Variants in SRP68 observed in about 807,000 individuals in gnomAD.
SRP68 encodes signal recognition particle 68.
Under a neutral mutation model 82.2 loss-of-function variants are expected in SRP68, and 15 were observed. The ratio of observed to expected loss-of-function variants is 0.18; its 90% confidence interval spans 0.12 to 0.28. The LOEUF is 0.28. Among genes scored for constraint, SRP68 ranks in the 10% least tolerant of loss-of-function variants. The probability of loss-of-function intolerance (pLI) is 1.00; values close to 1 mark genes in which losing one functional copy is unlikely to be tolerated. For synonymous variants in SRP68, 261 were observed against 292.6 expected (o/e 0.89, Z 1.10); for missense variants, 595 against 780.5 (o/e 0.76, Z 2.83).
chr17:76,055,544 A>T (rs890386462), intron 8 of SRP68, among the ~76,000 whole-genome samples: 15 of 151,622 alleles, frequency 9.9e-5, no homozygotes, highest in Non-Finnish European at 5.9e-5. Flanking sequence ...TCACGAGGGC[A>T]GGAGTTTGAG....
At chr17:76,050,358 C>G in intron 9 of SRP68, 70 bp downstream of exon 9, 12 of 1,144,634 alleles carry the variant, frequency 1.0e-5, no homozygotes, top group Non-Finnish European at 1.2e-5. Flanking sequence ...CTGGGGTCCA[C>G]CTGAGAAGGG....
At position 76,071,787 on chromosome 17, in the gene SRP68, A is replaced by G. The variant is rs1019876253; in HGVS notation, c.184+521T>C. 3.3e-5 allele frequency among the ~76,000 whole-genome samples: 5 copies of G among 152,222 alleles called. No individual in the cohort carries two copies. The highest frequency in any genetic ancestry group is 1.2e-4 in the African/African-American group (5 of 41,458). ...GATAAAATGCCTACAGACCGATCAG[A>G]AAAAAATGACACAATCGATATTAAC... On this transcript the variant is annotated intron_variant, in intron 1 of 15. Transcript: ENST00000307877. The surrounding 1 kb of genome is among the most constrained non-coding windows in gnomAD (Gnocchi z 4.7).
At chr17:76,040,501 G>T (rs933245795) in intron 14 of SRP68, 27 bp from the exon 15 acceptor site, 1 of 1,609,446 alleles carries the variant, frequency 6.2e-7, no homozygotes, top group South Asian at 1.1e-5. Flanking sequence ...GATTCAGTAA[G>T]AACAAGGATT....
chr17:76,063,919 G>A, intron 4 of SRP68, 57 bp downstream of exon 4: 7 of 1,482,424 alleles, frequency 4.7e-6, no homozygotes, highest in Non-Finnish European at 6.5e-6. Context: ...TTTAACTGCA[G>A]CTTTTTAAAA....
chr17:76,057,486 T>G lies in SRP68; in HGVS notation c.895A>C (p.Arg299=). 1 of 1,614,154 alleles carries G rather than the reference T, an allele frequency of 6.2e-7. No homozygotes were observed. The highest frequency in any genetic ancestry group is 1.1e-5 in the South Asian group (1 of 91,080). Reference sequence around the variant, plus strand: ...ATCTTCACTGGAACCGTTCTCCCTCTCCACTCCACTTCACTCATGGTAGCT... The same window carrying G: ...ATCTTCACTGGAACCGTTCTCCCTCGCCACTCCACTTCACTCATGGTAGCT... ...QAATMSEVEW[R]GRTVPVKIDK... is the part of the protein sequence containing the mutation. The change falls in exon 8 of 16, where the codon AGA becomes CGA. Residue 299 remains arginine (R), a synonymous_variant. Coordinates refer to ENST00000307877, the MANE Select transcript of SRP68 (RefSeq NM_014230.4).
At chr17:76,053,265 C>CAAAA (rs34472995) in intron 8 of SRP68, among the ~76,000 whole-genome samples, 1 of 82,562 alleles carries the variant, frequency 1.2e-5, no homozygotes, top group East Asian at 3.3e-4. Context: ...GACCCTGTCT[C>CAAAA]AAAAAAAAAA....
At chr17:76,048,127 A>G (rs1175242493) in intron 9 of SRP68, 157 bp from the exon 10 acceptor site, 2 of 366,006 alleles carry the variant, frequency 5.5e-6, no homozygotes, top group East Asian at 4.4e-5. Context: ...ACTTGACATA[A>G]TCTAGAATGA....
intron 7 of SRP68, among the ~76,000 whole-genome samples, chr17:76,058,648 A>G (rs1289116415): frequency 6.6e-6 from 1 of 152,230 alleles, no homozygotes; most frequent in African/African-American, 2.4e-5. Context: ...GGAAGGTTAA[A>G]AAGAGTAACA....
intron 12 of SRP68, 66 bp from the exon 13 acceptor site, chr17:76,044,024 T>C (rs2066611470): frequency 1.3e-6 from 2 of 1,543,950 alleles, no homozygotes; most frequent in African/African-American, 2.8e-5. Flanking sequence ...AGGCTTTCCT[T>C]GCAGTTTAGG....
Position 76,047,931 on chromosome 17 carries a change from C to T in SRP68, c.1117G>A (p.Val373Met). ...DYILEGEPGK[V>M]SNLQYLHSYL... ...CTATGCAAGTATTGAAGATTAGACA[C>T]CTTCCCTGGCTCTCCTTCAAGGATA... The change falls in exon 10 of 16, where the codon GTG becomes ATG. Residue 373 changes from valine to methionine, a missense_variant. This residue lies in a region of SRP68 where 495 missense variants were observed against 688.6 expected (regional missense o/e 0.72). Coordinates refer to ENST00000307877, the MANE Select transcript of SRP68 (RefSeq NM_014230.4). 1.9e-6 allele frequency: 3 copies of T among 1,573,800 alleles called. 1 individual carries two copies. The highest frequency in any genetic ancestry group is 2.4e-5 in the South Asian group (2 of 82,902).
intron 4 of SRP68, among the ~76,000 whole-genome samples, chr17:76,062,730 T>A (rs2066772177): frequency 1.1e-3 from 1 of 874 alleles, no homozygotes; most frequent in African/African-American, 9.6e-3. Flanking sequence ...ATATTTATTT[T>A]ATATATATAT....
intron 7 of SRP68, among the ~76,000 whole-genome samples, chr17:76,058,216 T>A (rs1414242327): frequency 6.6e-6 from 1 of 151,852 alleles, no homozygotes; most frequent in Non-Finnish European, 1.5e-5. Flanking sequence ...TGCAATGGTA[T>A]GAGCTCAGCT....
At position 76,050,470 on chromosome 17, in the gene SRP68, C is replaced by T. The variant is rs1454863013; in HGVS notation, c.1035G>A (p.Arg345=). The part of the protein sequence containing the change: ...RLFESMLSEC[R]DAIQVVREEL... ...CCTCCCGAACCACCTGGATGGCGTC[C>T]CGACACTCGCTGAGCATTGATTCAA... is the stretch of plus-strand genomic sequence containing the variant. Residue 345 remains arginine (R), a synonymous_variant, in exon 9 of 16, where the codon CGG becomes CGA. Transcript: ENST00000307877. 6.2e-7 allele frequency: 1 copy of T among 1,613,852 alleles called. No homozygotes were observed. Among genetic ancestry groups the T allele is most frequent in the Admixed American group, 1.7e-5 (1 of 59,994 alleles).
intron 13 of SRP68, among the ~76,000 whole-genome samples, chr17:76,043,140 T>TACTCAGGAGTAGTACTCCTCA (rs2066604034): frequency 6.6e-6 from 1 of 152,062 alleles, no homozygotes; most frequent in Non-Finnish European, 1.5e-5. Context: ...GGCTCATGCC[T>TACTCAGGAGTAGTACTCCTCA]GTAGTCCCAG....
intron 12 of SRP68, among the ~76,000 whole-genome samples, 188 bp from the exon 13 acceptor site, chr17:76,044,146 A>G (rs757308791): frequency 1.3e-5 from 2 of 152,202 alleles, no homozygotes; most frequent in African/African-American, 4.8e-5. Context: ...CTTCCCAGCA[A>G]TCAGAGATGC....
At chr17:76,047,798 A>AC (rs2066642377) in intron 10 of SRP68, 108 bp downstream of exon 10, 1 of 539,552 alleles carries the variant, frequency 1.9e-6, no homozygotes, top group African/African-American at 2.0e-5. Context: ...CAAAAAAAAA[A>AC]ACAAAGAAAA....
At position 76,039,630 on chromosome 17, in the gene SRP68, T is replaced by C; in HGVS notation, c.*76A>G. On this transcript the variant is annotated 3_prime_UTR_variant, in exon 16 of 16. Transcript: ENST00000307877. The stretch of plus-strand genomic sequence containing the variant: ...GGCCAATGCAGACCTGGATTTAATA[T>C]CATGGAACTTGCTGGGATTTTCTCA... The C allele has an allele frequency of 7.0e-7, 1 of 1,423,752 alleles. No individual in the cohort carries two copies. Among genetic ancestry groups the C allele is most frequent in the Non-Finnish European group, 9.7e-7 (1 of 1,029,912 alleles). 88.2% of individuals were successfully genotyped at this position (1,423,752 alleles called of 1,614,324 possible). A position where few individuals can be genotyped will look rare whatever the true frequency, so the allele number is the denominator to read the frequency against.
chr17:76,054,709 G>A (rs917593104), intron 8 of SRP68, among the ~76,000 whole-genome samples: 1 of 151,966 alleles, frequency 6.6e-6, no homozygotes, highest in African/African-American at 2.4e-5. Flanking sequence ...TGTAATCCCA[G>A]CTACTTGGGA....
At chr17:76,046,760 T>G (rs1044631031) in intron 10 of SRP68, among the ~76,000 whole-genome samples, 6 of 151,978 alleles carry the variant, frequency 3.9e-5, no homozygotes, top group African/African-American at 1.5e-4. Flanking sequence ...GCTAACACAG[T>G]GAAACCCCGT....
Sources: gnomAD v4.1 joint callset for allele counts (sites outside exome capture counted in the v4.1 genomes callset) on GRCh38, gnomAD v4.1.1 for gene constraint, gnomAD v4.1.1 regional missense constraint, Gnocchi (gnomAD v3.1) non-coding constraint, MANE v1.5 for transcripts, NCBI Gene and HGNC (gene_info 2026-07-23, HGNC 2026-07-21) for gene names.